Variants in SGCZ observed in about 807,000 individuals in gnomAD.
The protein encoded by SGCZ is zeta-sarcoglycan.
A neutral mutation model predicts 41.3 loss-of-function variants in SGCZ; 40 were observed. The observed-to-expected ratio is 0.97, with a 90% confidence interval of 0.75 to 1.26. The LOEUF (loss-of-function observed/expected upper bound fraction) is 1.26. SGCZ is among the 50% of genes most tolerant of loss of function. The pLI is 0.00. For synonymous variants in SGCZ, 206 were observed against 137.5 expected (o/e 1.50, Z -3.49); for missense variants, 552 against 369.8 (o/e 1.49, Z -4.04).
chr8:15,220,563 A>C (rs1446305563), intron 1 of SGCZ, among the ~76,000 whole-genome samples: 1 of 152,080 alleles, frequency 6.6e-6, no homozygotes, highest in African/African-American at 2.4e-5. Flanking sequence ...AACTCTTAGA[A>C]AATTACATAA....
chr8:14,557,368 C>A (rs1175949716), intron 1 of SGCZ, among the ~76,000 whole-genome samples: 2 of 151,834 alleles, frequency 1.3e-5, no homozygotes, highest in African/African-American at 4.8e-5. Flanking sequence ...TTTTCTCCCA[C>A]CCTGTGGGTT....
chr8:14,734,784 G>T (rs1471125731), intron 1 of SGCZ, among the ~76,000 whole-genome samples: 2 of 152,040 alleles, frequency 1.3e-5, no homozygotes, highest in African/African-American at 4.8e-5. Context: ...CCACCCAAAA[G>T]ATAGTATTTT....
intron 1 of SGCZ, among the ~76,000 whole-genome samples, chr8:14,560,307 T>C (rs1027017802): frequency 6.7e-6 from 1 of 150,206 alleles, no homozygotes; most frequent in Non-Finnish European, 1.5e-5. Flanking sequence ...GATATCAAAA[T>C]ACTACATCTA....
intron 2 of SGCZ, among the ~76,000 whole-genome samples, chr8:14,349,349 T>TC (rs1803006785): frequency 6.6e-6 from 1 of 152,052 alleles, no homozygotes; most frequent in African/African-American, 2.4e-5. Context: ...CATGGGTAGT[T>TC]CCCCACAAAA....
At chr8:14,371,530 T>C (rs1803909190) in intron 2 of SGCZ, among the ~76,000 whole-genome samples, 1 of 151,516 alleles carries the variant, frequency 6.6e-6, no homozygotes, top group African/African-American at 2.4e-5. Context: ...TAAAAAAAAG[T>C]GTTTCTATAT....
chr8:14,621,740 T>A (rs533525552), intron 1 of SGCZ, among the ~76,000 whole-genome samples: 36 of 152,136 alleles, frequency 2.4e-4, no homozygotes, highest in African/African-American at 8.2e-4. Flanking sequence ...GAAGACAGCA[T>A]GGGGGAAACC....
At chr8:15,197,364 C>G (rs996698727) in intron 1 of SGCZ, among the ~76,000 whole-genome samples, 1 of 152,168 alleles carries the variant, frequency 6.6e-6, no homozygotes, top group Non-Finnish European at 1.5e-5. Flanking sequence ...AAGGATATAA[C>G]ATCTTCACGA....
At chr8:14,698,681 T>A (rs1809041135) in intron 1 of SGCZ, among the ~76,000 whole-genome samples, 2 of 151,936 alleles carry the variant, frequency 1.3e-5, no homozygotes, top group Non-Finnish European at 2.9e-5. Flanking sequence ...TATAGCCAGA[T>A]AAACTTCAGA....
At chr8:14,579,210 G>A (rs1804808032) in intron 1 of SGCZ, among the ~76,000 whole-genome samples, 1 of 152,084 alleles carries the variant, frequency 6.6e-6, no homozygotes, top group Non-Finnish European at 1.5e-5. Flanking sequence ...TGTTACTAAA[G>A]TCATCTCAAG....
chr8:15,126,046 C>T (rs909998189), intron 1 of SGCZ, among the ~76,000 whole-genome samples: 11 of 151,994 alleles, frequency 7.2e-5, no homozygotes, highest in East Asian at 1.9e-4. Flanking sequence ...CTCGGGAGGC[C>T]AAGGCAGGAA....
chr8:14,897,157 G>A (rs138933659), intron 1 of SGCZ, among the ~76,000 whole-genome samples: 1 of 152,114 alleles, frequency 6.6e-6, no homozygotes, highest in East Asian at 1.9e-4. Flanking sequence ...GCTTGATAGT[G>A]TTATTAAAAG....
At chr8:14,714,758 G>A (rs915888841) in intron 1 of SGCZ, among the ~76,000 whole-genome samples, 2 of 152,080 alleles carry the variant, frequency 1.3e-5, no homozygotes, top group Non-Finnish European at 2.9e-5. Context: ...TAAGCAAGTG[G>A]TAAGCAGCTA....
chr8:15,110,980 A>G (rs1322324790), intron 1 of SGCZ, among the ~76,000 whole-genome samples: 1 of 152,124 alleles, frequency 6.6e-6, no homozygotes, highest in Non-Finnish European at 1.5e-5. Flanking sequence ...AAAAAGAAAA[A>G]AGAAAAAGTT....
rs1017480017 is a variant in SGCZ, at chr8:14,654,248, G to T, written c.40-99322C>A. Among the ~76,000 whole-genome samples, 25 of 150,948 alleles carry T rather than the reference G, an allele frequency of 1.7e-4. No homozygotes were observed. In the Middle Eastern group the frequency reaches 0.017, roughly 105 times the overall value. The stretch of plus-strand genomic sequence containing the variant: ...TACAGAGAAATTAAAAAAAAAAAAG[G>T]ATATCCATTGCATGGAATGTTTAGG... On this transcript the variant is annotated intron_variant, in intron 1 of 7. Coordinates refer to ENST00000382080, the MANE Select transcript of SGCZ (RefSeq NM_139167.4).
chr8:14,588,947 G>C (rs1303991398), intron 1 of SGCZ, among the ~76,000 whole-genome samples: 1 of 152,078 alleles, frequency 6.6e-6, no homozygotes, highest in Non-Finnish European at 1.5e-5. Flanking sequence ...ATATAATTCA[G>C]ATCGTTACAT....
chr8:14,834,114 T>A (rs1352170665), intron 1 of SGCZ, among the ~76,000 whole-genome samples: 1 of 152,208 alleles, frequency 6.6e-6, no homozygotes, highest in Non-Finnish European at 1.5e-5. Flanking sequence ...CTTTAGATTT[T>A]TTTTTCATGA....
At chr8:15,212,566 C>A (rs553268032) in intron 1 of SGCZ, among the ~76,000 whole-genome samples, 23 of 152,160 alleles carry the variant, frequency 1.5e-4, no homozygotes, top group Admixed American at 7.2e-4. Flanking sequence ...ATTCTGTAGA[C>A]TGAGAGCCTT....
intron 5 of SGCZ, among the ~76,000 whole-genome samples, chr8:14,119,612 A>G (rs1802635234): frequency 6.6e-6 from 1 of 152,152 alleles, no homozygotes; most frequent in African/African-American, 2.4e-5. Context: ...AGGAGTGGTG[A>G]GAGAGGTTAA....
intron 1 of SGCZ, among the ~76,000 whole-genome samples, chr8:14,673,859 A>T (rs967287794): frequency 3.7e-4 from 56 of 152,292 alleles, no homozygotes; most frequent in African/African-American, 1.3e-3. Flanking sequence ...AAGTAAACAC[A>T]AAGTTTATAA....
Sources: allele counts gnomAD v4.1 joint callset (sites outside exome capture counted in the v4.1 genomes callset), GRCh38; gene constraint gnomAD v4.1.1; transcripts MANE v1.5; gene names NCBI Gene and HGNC (gene_info 2026-07-23, HGNC 2026-07-21).